The following DVL3 variants were observed in gnomAD, a reference collection of about 807,000 sequenced individuals.
DVL3 encodes segment polarity protein dishevelled homolog DVL-3.
A neutral mutation model predicts 67.4 loss-of-function variants in DVL3; 27 were observed. The ratio of observed to expected loss-of-function variants is 0.40; its 90% CI spans 0.30 to 0.55. The LOEUF is 0.55. Among genes scored for constraint, DVL3 ranks in the 20% least tolerant of loss-of-function variants. The pLI is 0.46. For synonymous variants in DVL3, 369 were observed against 396.8 expected (o/e 0.93, Z 0.83); for missense variants, 819 against 1,021.5 (o/e 0.80, Z 2.70).
Position 184,155,748 on chromosome 3 carries a change from A to G in DVL3, c.113A>G (p.Gln38Arg). Residue 38 changes from glutamine to arginine, a missense_variant, in exon 1 of 15, where the codon CAG becomes CGG. Coordinates refer to ENST00000313143, the MANE Select transcript of DVL3 (RefSeq NM_004423.4). This position sits in a 1 kb window ranked among gnomAD's most constrained non-coding sequence, Gnocchi z 5.4. ...VTLADFKGVL[Q>R]RPSYKFFFKS... Reference sequence around the variant, plus strand: ...TTGGCGGACTTTAAGGGCGTTTTGCAGCGACCCAGCTATAAGTTCTTCTTC... The same window carrying G: ...TTGGCGGACTTTAAGGGCGTTTTGCGGCGACCCAGCTATAAGTTCTTCTTC... 6.2e-7 allele frequency: 1 copy of G among 1,612,902 alleles called. No individual in the cohort carries two copies. Among genetic ancestry groups the G allele is most frequent in the African/African-American group, 1.3e-5 (1 of 74,988 alleles).
intron 13 of DVL3, among the ~76,000 whole-genome samples, chr3:184,169,005 C>T (rs559020143): frequency 2.0e-5 from 3 of 152,212 alleles, no homozygotes; most frequent in East Asian, 3.9e-4. Flanking sequence ...TTGTTCTTTC[C>T]TTCTGGCCCC....
In DVL3 at chr3:184,164,771, A is replaced by G. The variant is rs756386660; in HGVS notation, c.464-25A>G. The G allele has an allele frequency of 8.3e-5, 134 of 1,613,842 alleles. 1 individual carries two copies. In the South Asian group the frequency reaches 1.5e-3, roughly 18 times the overall value. ...CACCCCTGCACTGGGCACTGTGTAA[A>G]CCCAACTGCTTCCATCCCCTGCAGC... On this transcript the variant is annotated intron_variant, in intron 4 of 14. Coordinates refer to ENST00000313143, the MANE Select transcript of DVL3 (RefSeq NM_004423.4). This position sits in a 1 kb window ranked among gnomAD's most constrained non-coding sequence, Gnocchi z 5.3.
chr3:184,160,540 G>GTA (rs2109019210), intron 1 of DVL3, among the ~76,000 whole-genome samples: 1 of 151,956 alleles, frequency 6.6e-6, no homozygotes, highest in Admixed American at 6.6e-5. Context: ...GTATGAGTGT[G>GTA]TGTGTGTGTG....
chr3:184,168,202 T>A, intron 13 of DVL3, 137 bp downstream of exon 13: 1 of 1,015,788 alleles, frequency 9.8e-7, no homozygotes, highest in Non-Finnish European at 1.4e-6. Flanking sequence ...CTGAGAGTTC[T>A]ATGGTGGAAG....
Position 184,167,881 on chromosome 3 carries a change from G to A in DVL3, c.1331-17G>A, listed in dbSNP as rs1189459928. ...AGTCAGATGGGCCTCCCCATCAACT[G>A]GCAGCCTTGTCCCCAGGCTCAGATG... On this transcript the variant is annotated splice_polypyrimidine_tract_variant and intron_variant, in intron 12 of 14. Coordinates refer to ENST00000313143, the MANE Select transcript of DVL3 (RefSeq NM_004423.4). The surrounding 1 kb of genome is among the most constrained non-coding windows in gnomAD (Gnocchi z 4.6). 3 of 1,614,104 alleles carry A rather than the reference G, an allele frequency of 1.9e-6. No homozygotes were observed. The highest frequency in any genetic ancestry group is 2.5e-6 in the Non-Finnish European group (3 of 1,180,034).
Position 184,170,793 on chromosome 3 carries a change from C to T in DVL3, c.*38C>T, listed in dbSNP as rs1714804552. On this transcript the variant is annotated 3_prime_UTR_variant, in exon 15 of 15. Coordinates refer to ENST00000313143, the MANE Select transcript of DVL3 (RefSeq NM_004423.4). This position sits in a 1 kb window ranked among gnomAD's most constrained non-coding sequence, Gnocchi z 6.5. ...CCCCAGCTCCATTCCGCTCCCACCC[C>T]AGCCGGCTGCGTTCCTCTCTCCATC... 2 of 1,608,164 alleles carry T rather than the reference C, an allele frequency of 1.2e-6. No homozygotes were observed. The highest frequency in any genetic ancestry group is 1.7e-6 in the Non-Finnish European group (2 of 1,177,674).
At chr3:184,168,793 AGGTAT>A in intron 13 of DVL3, among the ~76,000 whole-genome samples, 1 of 152,362 alleles carries the variant, frequency 6.6e-6, no homozygotes, top group East Asian at 1.9e-4. Context: ...TGTCCCAGGC[AGGTAT>A]TCAGTCCTGG....
chr3:184,159,366 CTT>C (rs1274200600), intron 1 of DVL3, among the ~76,000 whole-genome samples: 7 of 87,832 alleles, frequency 8.0e-5, no homozygotes, highest in Admixed American at 2.1e-4. Context: ...TTATTTTATC[CTT>C]TTTTTTTTTT....
intron 1 of DVL3, chr3:184,156,229 C>A: frequency 2.3e-6 from 1 of 439,842 alleles, no homozygotes; most frequent in Non-Finnish European, 4.6e-6. Context: ...TTTTCAGCAG[C>A]ACAGCTCCCA....
chr3:184,173,262 A>G lies in DVL3; in HGVS notation c.*2507A>G, dbSNP rs1235179057. The G allele has an allele frequency of 6.6e-6, 1 of 152,206 alleles. No individual in the cohort carries two copies. The highest frequency in any genetic ancestry group is 1.5e-5 in the Non-Finnish European group (1 of 68,056). 9.4% of individuals were successfully genotyped at this position (152,206 alleles called of 1,614,324 possible). On this transcript the variant is annotated 3_prime_UTR_variant, in exon 15 of 15. Coordinates refer to ENST00000313143, the MANE Select transcript of DVL3 (RefSeq NM_004423.4). ...GGCTCACCAGCTAGAAACATTTATG[A>G]GCTTACATTCCTTCTTCCCATATCT... is the stretch of plus-strand genomic sequence containing the variant.
rs970093010 is a variant in DVL3, at chr3:184,167,278, T to C, written c.1199-302T>C. 6.6e-6 allele frequency among the ~76,000 whole-genome samples: 1 copy of C among 152,158 alleles called. No individual in the cohort carries two copies. The highest frequency in any genetic ancestry group is 1.5e-5 in the Non-Finnish European group (1 of 68,036). Reference sequence around the variant, plus strand: ...ATGAGAGGATATAAGTGAAGCACCATTGCGATGTGTGGTGTAAAGTAAGCA... The same window carrying C: ...ATGAGAGGATATAAGTGAAGCACCACTGCGATGTGTGGTGTAAAGTAAGCA... On this transcript the variant is annotated intron_variant, in intron 11 of 14. Coordinates refer to ENST00000313143, the MANE Select transcript of DVL3 (RefSeq NM_004423.4). This position sits in a 1 kb window ranked among gnomAD's most constrained non-coding sequence, Gnocchi z 4.6.
rs567691554 is a variant in DVL3 at position 184,164,166 on chromosome 3, T to G, written c.232-101T>G. The G allele has an allele frequency of 2.0e-4, 277 of 1,401,856 alleles. No individual in the cohort carries two copies. Among genetic ancestry groups the G allele is most frequent in the Non-Finnish European group, 2.5e-4 (252 of 1,017,554 alleles). The allele number at this position is 1,401,856 out of a possible 1,614,324, so 86.8% of individuals were successfully genotyped here. A position where few individuals can be genotyped will look rare whatever the true frequency, so the allele number is the denominator to read the frequency against. On this transcript the variant is annotated intron_variant, in intron 2 of 14. Transcript: ENST00000313143. The surrounding 1 kb of genome is among the most constrained non-coding windows in gnomAD (Gnocchi z 5.3). ...CTGTCTTTTCTCCCTCGATATTTCC[T>G]GCTTCCTTCCTCTTAGGCCTTCATG...
In DVL3 at chr3:184,170,449, G is replaced by A. The variant is rs1714781316; in HGVS notation, c.1845G>A (p.Gly615=). 4 of 1,582,768 alleles carry A rather than the reference G, an allele frequency of 2.5e-6. No individual in the cohort carries two copies. The highest frequency in any genetic ancestry group is 1.7e-4 in the Middle Eastern group (1 of 5,952). ...SDHTTRSSLR[G]PRERAPSERS... ...ACACCACACGCAGCAGCCTGCGGGG[G>A]CCGCGGGAGCGGGCGCCCAGCGAGC... The change falls in exon 15 of 15, where the codon GGG becomes GGA. Residue 615 remains glycine (G), a synonymous_variant. Transcript: ENST00000313143. This position sits in a 1 kb window ranked among gnomAD's most constrained non-coding sequence, Gnocchi z 6.5.
Position 184,155,694 on chromosome 3 carries a change from A to C in DVL3, c.59A>C (p.Lys20Thr). ...GGGCAGGAGACGCCGTACCTTGTGA[A>C]GCTGCCCCTGCCCGCCGAGCGCGTC... The part of the protein sequence containing the change: ...LDGQETPYLV[K>T]LPLPAERVTL... Residue 20 changes from lysine to threonine, a missense_variant, in exon 1 of 15, where the codon AAG becomes ACG. Transcript: ENST00000313143. This position sits in a 1 kb window ranked among gnomAD's most constrained non-coding sequence, Gnocchi z 5.4. 6.2e-7 allele frequency: 1 copy of C among 1,612,882 alleles called. No individual in the cohort carries two copies. The highest frequency in any genetic ancestry group is 1.1e-5 in the South Asian group (1 of 91,058).
chr3:184,163,819 C>A lies in DVL3; in HGVS notation c.231+93C>A. 2 of 1,098,948 alleles carry A rather than the reference C, an allele frequency of 1.8e-6. No homozygotes were observed. Among genetic ancestry groups the A allele is most frequent in the Non-Finnish European group, 1.4e-6 (1 of 729,344 alleles). The allele number at this position is 1,098,948 out of a possible 1,614,324, so 68.1% of individuals were successfully genotyped here. A position where few individuals can be genotyped will look rare whatever the true frequency, so the allele number is the denominator to read the frequency against. ...TGAGATTGTAGCTGGTGGTTTTAAG[C>A]TTCAGTATCTGAATCTTTCTTTAGT... On this transcript the variant is annotated intron_variant, in intron 2 of 14. Transcript: ENST00000313143. This position sits in a 1 kb window ranked among gnomAD's most constrained non-coding sequence, Gnocchi z 4.5.
rs1714571485 is a variant in DVL3, at chr3:184,166,053, T to G, written c.764-73T>G. The G allele has an allele frequency of 6.4e-7, 1 of 1,562,790 alleles. No homozygotes were observed. Among genetic ancestry groups the G allele is most frequent in the Non-Finnish European group, 8.7e-7 (1 of 1,151,446 alleles). ...AATGTCAGTTCAGTTCCTGTCCCTT[T>G]CCATTTTCTAATGGGCTGGGAATGC... is the stretch of plus-strand genomic sequence containing the variant. On this transcript the variant is annotated intron_variant, in intron 7 of 14. Transcript: ENST00000313143. This position sits in a 1 kb window ranked among gnomAD's most constrained non-coding sequence, Gnocchi z 6.7.
In DVL3 at chr3:184,170,399, G is replaced by A. The variant is rs1484668281; in HGVS notation, c.1795G>A (p.Gly599Arg). ...KDPKAGDSKSGGSGSESDHTT... is the reference protein window; with the variant it reads ...KDPKAGDSKSRGSGSESDHTT... ...CCCGAAGGCCGGGGACTCCAAGTCC[G>A]GGGGCAGCGGCAGCGAATCGGACCA... Residue 599 changes from glycine (G) to arginine (R), a missense_variant, in exon 15 of 15, where the codon GGG becomes AGG. By Grantham distance (125) the Gly-to-Arg change is moderately radical. Transcript: ENST00000313143. The surrounding 1 kb of genome is among the most constrained non-coding windows in gnomAD (Gnocchi z 6.5). The A allele has an allele frequency of 1.9e-6, 3 of 1,603,124 alleles. No individual in the cohort carries two copies. The highest frequency in any genetic ancestry group is 2.2e-5 in the East Asian group (1 of 44,462).
chr3:184,157,575 C>T (rs1714241600), intron 1 of DVL3, among the ~76,000 whole-genome samples: 1 of 152,206 alleles, frequency 6.6e-6, no homozygotes, highest in Non-Finnish European at 1.5e-5. Flanking sequence ...CATTGTCAGT[C>T]CACTTACTGT....
chr3:184,162,253 C>G (rs1714406835), intron 1 of DVL3, among the ~76,000 whole-genome samples: 1 of 151,204 alleles, frequency 6.6e-6, no homozygotes, highest in African/African-American at 2.4e-5. Flanking sequence ...TGATAGCTCA[C>G]TGCAGCCTTG....
Sources: allele counts gnomAD v4.1 joint callset (sites outside exome capture counted in the v4.1 genomes callset), GRCh38; gene constraint gnomAD v4.1.1; non-coding constraint Gnocchi (gnomAD v3.1); transcripts MANE v1.5; gene names NCBI Gene and HGNC (gene_info 2026-07-23, HGNC 2026-07-21).